Variants in LUZP2 observed in about 807,000 individuals in gnomAD.
The protein encoded by LUZP2 is leucine zipper protein 2.
LUZP2 carries 52 observed loss-of-function variants against 51.6 expected under a neutral mutation model. The observed-to-expected ratio is 1.01, with a 90% CI of 0.81 to 1.27. The LOEUF is 1.27. Ranked by LOEUF, LUZP2 falls within the 50% of genes most tolerant of loss-of-function variation. The pLI is 0.00. For missense variants in LUZP2, 436 were observed against 395.4 expected, an observed-to-expected ratio of 1.10 and a Z score of -0.87; for synonymous variants, 154 against 137.3, an observed-to-expected ratio of 1.12 and a Z score of -0.85.
chr11:24,863,682 CT>C (rs1451646516), intron 5 of LUZP2, among the ~76,000 whole-genome samples: 1 of 152,096 alleles, frequency 6.6e-6, no homozygotes, highest in Non-Finnish European at 1.5e-5. Flanking sequence ...GAATTGTACT[CT>C]TTAAATGGTT....
At chr11:24,800,690 A>G (rs1054848265) in intron 5 of LUZP2, among the ~76,000 whole-genome samples, 1 of 151,970 alleles carries the variant, frequency 6.6e-6, no homozygotes, top group Non-Finnish European at 1.5e-5. Flanking sequence ...GCTGGACAAA[A>G]TTTTTTCTCT....
intron 1 of LUZP2, among the ~76,000 whole-genome samples, chr11:24,688,866 A>C (rs183424448): frequency 6.6e-6 from 1 of 152,226 alleles, no homozygotes; most frequent in Non-Finnish European, 1.5e-5. Flanking sequence ...AGGCTCTGCT[A>C]TCCCATTCTC....
chr11:24,948,992 C>A (rs974744242), intron 7 of LUZP2, among the ~76,000 whole-genome samples: 2 of 151,466 alleles, frequency 1.3e-5, no homozygotes, highest in Non-Finnish European at 3.0e-5. Flanking sequence ...AATATATACA[C>A]CTACTATGTA....
rs143883127 is a variant in LUZP2, at chr11:24,674,230, T to C, written c.63-54939T>C. On this transcript the variant is annotated intron_variant, in intron 1 of 11. Transcript: ENST00000336930. ...CTACTTGACCTTTTCTCAGTTCAAATGCCTGTCATGTGTCCAGGCTCTCTG... is the reference window on the plus strand; with the variant it reads ...CTACTTGACCTTTTCTCAGTTCAAACGCCTGTCATGTGTCCAGGCTCTCTG... Among the ~76,000 whole-genome samples, 16 of 152,326 alleles carry C rather than the reference T, an allele frequency of 1.1e-4. No individual in the cohort carries two copies. The East Asian group carries it at 3.1e-3, about 29-fold the overall frequency.
chr11:24,901,774 C>T (rs530173851), intron 5 of LUZP2, among the ~76,000 whole-genome samples: 1 of 152,124 alleles, frequency 6.6e-6, no homozygotes, highest in African/African-American at 2.4e-5. Flanking sequence ...TAGTAGTTTT[C>T]TATCCATTGA....
Position 24,539,225 on chromosome 11 carries a change from T to C in LUZP2, c.62+41920T>C, listed in dbSNP as rs1276518218. On this transcript the variant is annotated intron_variant, in intron 1 of 11. Transcript: ENST00000336930. ...AACACAAGTCTTTGTTGTTCTAGAA[T>C]TGATTATTCATATCTACCTGTAAGT... is the stretch of plus-strand genomic sequence containing the variant. 2.0e-5 allele frequency among the ~76,000 whole-genome samples: 3 copies of C among 152,104 alleles called. No homozygotes were observed. The East Asian group carries it at 5.8e-4, about 29-fold the overall frequency.
intron 5 of LUZP2, among the ~76,000 whole-genome samples, chr11:24,771,188 T>C (rs2631407): frequency 0.67 from 100,814 of 150,686 alleles, 33,917 homozygotes; most frequent in African/African-American, 0.71. Flanking sequence ...CATTGCAGAA[T>C]CTAGTCCTCA....
At chr11:25,020,794 C>CTT (rs10687889) in intron 9 of LUZP2, among the ~76,000 whole-genome samples, 88,584 of 151,530 alleles carry the variant, frequency 0.58, 27,102 homozygotes, top group African/African-American at 0.77. Context: ...AATTTAATAA[C>CTT]TTAAAATTAT....
intron 9 of LUZP2, among the ~76,000 whole-genome samples, chr11:24,991,497 A>G (rs1391778265): frequency 6.6e-6 from 1 of 150,892 alleles, no homozygotes; most frequent in African/African-American, 2.4e-5. Flanking sequence ...TTAGTTCCAC[A>G]GTTTGCAATT....
At chr11:24,607,975 A>G (rs992583607) in intron 1 of LUZP2, among the ~76,000 whole-genome samples, 1 of 151,832 alleles carries the variant, frequency 6.6e-6, no homozygotes, top group African/African-American at 2.4e-5. Context: ...CAGCCTCCCG[A>G]GTAGCTGGGA....
At chr11:24,774,332 T>TTC (rs374302170) in intron 5 of LUZP2, among the ~76,000 whole-genome samples, 1,112 of 41,900 alleles carry the variant, frequency 0.027, 29 homozygotes, top group East Asian at 0.13. Flanking sequence ...CTTAGTAAAC[T>TTC]TCTCTCTCTC....
chr11:24,693,245 G>A (rs542098869), intron 1 of LUZP2, among the ~76,000 whole-genome samples: 3 of 151,522 alleles, frequency 2.0e-5, no homozygotes, highest in Non-Finnish European at 4.4e-5. Context: ...TTTTTATACA[G>A]CATTGGGTGA....
intron 5 of LUZP2, among the ~76,000 whole-genome samples, chr11:24,826,615 G>A (rs530414310): frequency 1.4e-3 from 209 of 149,866 alleles, no homozygotes; most frequent in Non-Finnish European, 2.7e-3. Flanking sequence ...AAATAATAAA[G>A]CAAGGCAAAC....
intron 6 of LUZP2, among the ~76,000 whole-genome samples, chr11:24,907,661 T>G (rs1057196358): frequency 7.2e-5 from 11 of 152,188 alleles, no homozygotes; most frequent in Non-Finnish European, 1.3e-4. Flanking sequence ...TGAAGTTATA[T>G]TCTGATATGA....
At chr11:24,711,474 T>TAAATAAAC in intron 1 of LUZP2, among the ~76,000 whole-genome samples, 1 of 151,012 alleles carries the variant, frequency 6.6e-6, no homozygotes, top group South Asian at 2.1e-4. Flanking sequence ...AATAAATAAA[T>TAAATAAAC]AAATAAATAA....
chr11:25,047,153 G>T (rs543921764), intron 9 of LUZP2, among the ~76,000 whole-genome samples: 63 of 152,202 alleles, frequency 4.1e-4, no homozygotes, highest in African/African-American at 1.5e-3. Context: ...GGTTCTGGCT[G>T]TGACTGCCAG....
At chr11:24,616,196 T>G (rs116756512) in intron 1 of LUZP2, among the ~76,000 whole-genome samples, 1,615 of 152,152 alleles carry the variant, frequency 0.011, 24 homozygotes, top group African/African-American at 0.037. Context: ...GGCAAAATTT[T>G]CAATATTTAT....
intron 5 of LUZP2, among the ~76,000 whole-genome samples, chr11:24,858,600 C>A (rs531575797): frequency 6.6e-6 from 1 of 151,972 alleles, no homozygotes; most frequent in African/African-American, 2.4e-5. Context: ...TTGCCAAATG[C>A]AAAGAAACTT....
intron 5 of LUZP2, among the ~76,000 whole-genome samples, chr11:24,842,555 C>G (rs773380226): frequency 6.6e-6 from 1 of 151,748 alleles, no homozygotes; most frequent in African/African-American, 2.4e-5. Flanking sequence ...TACAATACAC[C>G]CTTTTTTAAA....
Sources: allele counts gnomAD v4.1 joint callset (sites outside exome capture counted in the v4.1 genomes callset), GRCh38; gene constraint gnomAD v4.1.1; transcripts MANE v1.5; gene names NCBI Gene and HGNC (gene_info 2026-07-23, HGNC 2026-07-21).